Variants in TTC23L observed in about 807,000 individuals in gnomAD.
TTC23L encodes tetratricopeptide repeat protein 23-like.
A neutral mutation model predicts 48.1 loss-of-function variants in TTC23L; 42 were observed. The observed-to-expected ratio is 0.87, with a 90% confidence interval of 0.68 to 1.13. The LOEUF (loss-of-function observed/expected upper bound fraction) is 1.13. Among genes scored for constraint, TTC23L ranks in the 50% most tolerant of loss-of-function variants. The probability of loss-of-function intolerance (pLI) is 0.00; values close to 1 mark genes in which losing one functional copy is unlikely to be tolerated. For synonymous variants in TTC23L, 159 were observed against 157.2 expected (o/e 1.01, Z -0.09); for missense variants, 391 against 421.0 (o/e 0.93, Z 0.62).
At chr5:34,840,966 G>A (rs1758615863) in intron 2 of TTC23L, among the ~76,000 whole-genome samples, 1 of 151,982 alleles carries the variant, frequency 6.6e-6, no homozygotes, top group African/African-American at 2.4e-5. Flanking sequence ...GAGAATAGCT[G>A]AACCCGGAGG....
intron 2 of TTC23L, among the ~76,000 whole-genome samples, chr5:34,843,497 G>A (rs1758864996): frequency 6.6e-6 from 1 of 152,194 alleles, no homozygotes; most frequent in Non-Finnish European, 1.5e-5. Context: ...GTTGAAGCTT[G>A]CCACCTTTGG....
At chr5:34,839,432 C>G (rs890573038) in intron 1 of TTC23L, 173 bp downstream of exon 1, 3 of 159,568 alleles carry the variant, frequency 1.9e-5, no homozygotes, top group South Asian at 2.0e-4. Context: ...GCTCGACCTG[C>G]GGCGTCAGGG....
chr5:34,920,789 A>G, the TTC23L span: 1 of 151,952 alleles, frequency 6.6e-6, no homozygotes, highest in Non-Finnish European at 1.5e-5. Context: ...CAAACTTCCT[A>G]TTTTTGTGTT....
chr5:34,914,833 G>C, the TTC23L span: 2 of 1,614,166 alleles, frequency 1.2e-6, no homozygotes, highest in South Asian at 2.2e-5. Context: ...CGTTGTCAAG[G>C]CTGGCCACAA....
the TTC23L span, chr5:34,920,007 A>G: frequency 2.0e-6 from 1 of 504,876 alleles, no homozygotes; most frequent in Non-Finnish European, 3.6e-6. Context: ...CATTTTATTA[A>G]CTCTTCAATA....
rs186200037 is a variant in TTC23L, at chr5:34,841,425, T to C, written c.68+686T>C. Among the ~76,000 whole-genome samples the C allele has an allele frequency of 2.0e-4, 31 of 152,348 alleles. No individual in the cohort carries two copies. In the East Asian group the frequency reaches 6.0e-3, roughly 29 times the overall value. ...TATTGGTACATTTTATAGATGAGTA[T>C]GAATCAAAGAGATGTTAGGGAGTTT... On this transcript the variant is annotated intron_variant, in intron 2 of 10. Transcript: ENST00000505624.
At chr5:34,854,886 AGGT>A (rs1759994003) in intron 4 of TTC23L, among the ~76,000 whole-genome samples, 2 of 152,214 alleles carry the variant, frequency 1.3e-5, no homozygotes, top group Non-Finnish European at 1.5e-5. Context: ...AGGCAGTGTA[AGGT>A]AAATGCCATG....
intron 9 of TTC23L, among the ~76,000 whole-genome samples, chr5:34,889,429 A>G (rs1377448272): frequency 6.6e-6 from 1 of 152,170 alleles, no homozygotes; most frequent in Non-Finnish European, 1.5e-5. Context: ...GCGGTGGCTG[A>G]TAATTGGTCC....
chr5:34,898,194 G>A (rs1216140527), intron 10 of TTC23L, among the ~76,000 whole-genome samples: 1 of 152,164 alleles, frequency 6.6e-6, no homozygotes, highest in Non-Finnish European at 1.5e-5. Flanking sequence ...CTGAAAGCTG[G>A]TCTTTGACTT....
At chr5:34,887,795 A>G (rs1373962639) in intron 9 of TTC23L, among the ~76,000 whole-genome samples, 9 of 152,228 alleles carry the variant, frequency 5.9e-5, no homozygotes, top group Non-Finnish European at 1.2e-4. Context: ...AGAAATTATG[A>G]TTGGAATAGA....
intron 9 of TTC23L, among the ~76,000 whole-genome samples, chr5:34,890,270 C>T (rs967433265): frequency 6.6e-6 from 1 of 151,382 alleles, no homozygotes; most frequent in Non-Finnish European, 1.5e-5. Context: ...CATGGTGAAG[C>T]GCCATCGCTA....
At chr5:34,866,987 A>C (rs758600146) in exon 7 of TTC23L, 1 of 1,611,896 alleles carries the variant, frequency 6.2e-7, no homozygotes. Context: ...AGGACGTCAG[A>C]TCTGATCAGC....
At chr5:34,925,663 C>T in the TTC23L span, 1 of 577,498 alleles carries the variant, frequency 1.7e-6, no homozygotes, top group African/African-American at 1.9e-5. Flanking sequence ...AATAAAATAT[C>T]ACCAGAATTC....
At chr5:34,922,318 C>A in the TTC23L span, 1 of 1,341,972 alleles carries the variant, frequency 7.5e-7, no homozygotes, top group Non-Finnish European at 1.1e-6. Flanking sequence ...TTTGGTTAAA[C>A]TCATTTAAGT....
chr5:34,884,545 A>AAC (rs147142651), intron 9 of TTC23L, among the ~76,000 whole-genome samples: 7 of 150,782 alleles, frequency 4.6e-5, no homozygotes, highest in South Asian at 2.1e-4. Flanking sequence ...CACACACACA[A>AAC]ACACACACAC....
chr5:34,903,792 T>A (rs935248616), downstream of TTC23L, among the ~76,000 whole-genome samples: 5 of 152,154 alleles, frequency 3.3e-5, no homozygotes, highest in African/African-American at 9.7e-5. Flanking sequence ...CTAACAGATC[T>A]GAGCTAACAT....
At chr5:34,897,500 A>G (rs1193751727) in intron 10 of TTC23L, among the ~76,000 whole-genome samples, 1 of 152,064 alleles carries the variant, frequency 6.6e-6, no homozygotes, top group African/African-American at 2.4e-5. Flanking sequence ...TATATTTTAA[A>G]TTTGTAGTGA....
chr5:34,914,192 T>C, the TTC23L span, among the ~76,000 whole-genome samples: 1 of 152,176 alleles, frequency 6.6e-6, no homozygotes, highest in Non-Finnish European at 1.5e-5. Context: ...AGGAAAAAAA[T>C]ACTCTTTAGT....
At chr5:34,839,667 C>G (rs1758433561) in intron 1 of TTC23L, 1 of 985,256 alleles carries the variant, frequency 1.0e-6, no homozygotes, top group Non-Finnish European at 1.2e-6. Context: ...CAGAAAGCCA[C>G]TCAGGGCTCG....
Sources: gnomAD v4.1 joint callset for allele counts (sites outside exome capture counted in the v4.1 genomes callset) on GRCh38, gnomAD v4.1.1 for gene constraint, MANE v1.5 for transcripts, NCBI Gene and HGNC (gene_info 2026-07-23, HGNC 2026-07-21) for gene names.